DYNC1I1: variants seen among roughly 807,000 people sequenced by gnomAD.
DYNC1I1 encodes the protein cytoplasmic dynein 1 intermediate chain 1.
A neutral mutation model predicts 86.6 loss-of-function variants in DYNC1I1; 43 were observed. The observed-to-expected ratio is 0.50, with a 90% CI of 0.39 to 0.64. The LOEUF (loss-of-function observed/expected upper bound fraction) is 0.64. DYNC1I1 is among the 30% of genes least tolerant of loss of function. The pLI, the probability that DYNC1I1 is intolerant of heterozygous loss-of-function variation, is 0.00. For missense variants in DYNC1I1, 604 were observed against 788.8 expected, an observed-to-expected ratio of 0.77 and a Z score of 2.81; for synonymous variants, 262 against 283.7, an observed-to-expected ratio of 0.92 and a Z score of 0.77.
intron 5 of DYNC1I1, among the ~76,000 whole-genome samples, chr7:95,864,209 T>C (rs1584105847): frequency 6.6e-6 from 1 of 152,154 alleles, no homozygotes; most frequent in Admixed American, 6.5e-5. Flanking sequence ...AAAGTGTCAA[T>C]TGAACCAGAA....
intron 10 of DYNC1I1, among the ~76,000 whole-genome samples, chr7:95,998,565 C>G (rs1199964853): frequency 6.6e-6 from 1 of 152,260 alleles, no homozygotes; most frequent in East Asian, 1.9e-4. Context: ...TTTCTAGACA[C>G]TAACTCAGGG....
rs369706153 is a variant in DYNC1I1 at position 95,930,416 on chromosome 7, G to T, written c.491-47096G>T. On this transcript the variant is annotated intron_variant, in intron 6 of 16. Coordinates refer to ENST00000447467, the MANE Select transcript of DYNC1I1 (RefSeq NM_001135556.2). ...TCATTTGTCAATAAATGATGAAAAGGTTGGGCTATTTATATTTCAATGTTA... is the reference window on the plus strand; with the variant it reads ...TCATTTGTCAATAAATGATGAAAAGTTTGGGCTATTTATATTTCAATGTTA... Among the ~76,000 whole-genome samples the T allele has an allele frequency of 2.0e-4, 31 of 152,156 alleles. 1 individual carries two copies. Among genetic ancestry groups the T allele is most frequent in the Admixed American group, 2.0e-3 (31 of 15,270 alleles).
chr7:95,953,911 A>T (rs370986675), intron 6 of DYNC1I1, among the ~76,000 whole-genome samples: 2 of 152,152 alleles, frequency 1.3e-5, no homozygotes, highest in East Asian at 1.9e-4. Flanking sequence ...GCAGGCACAA[A>T]CACCTTGGTT....
intron 15 of DYNC1I1, among the ~76,000 whole-genome samples, chr7:96,077,139 A>G (rs949196444): frequency 2.6e-5 from 4 of 152,112 alleles, no homozygotes; most frequent in African/African-American, 9.7e-5. Context: ...GAGAACAACA[A>G]AAAGGTCTTT....
chr7:95,923,167 GTCTTTGGGT>G (rs1408182185), intron 6 of DYNC1I1, among the ~76,000 whole-genome samples: 1 of 152,066 alleles, frequency 6.6e-6, no homozygotes, highest in Non-Finnish European at 1.5e-5. Flanking sequence ...TGGTAAATCA[GTCTTTGGGT>G]AAAGACTTCA....
intron 6 of DYNC1I1, among the ~76,000 whole-genome samples, chr7:95,971,096 G>T (rs1045423784): frequency 6.6e-6 from 1 of 152,142 alleles, no homozygotes; most frequent in Non-Finnish European, 1.5e-5. Context: ...CTCTGCTGTG[G>T]ACATGTCAGG....
intron 6 of DYNC1I1, among the ~76,000 whole-genome samples, chr7:95,965,327 G>T (rs1163502613): frequency 1.3e-5 from 2 of 152,174 alleles, no homozygotes; most frequent in African/African-American, 4.8e-5. Context: ...TCACAGCCTA[G>T]TTCAGGCAGT....
chr7:95,783,280 T>G (rs1215340729), intron 1 of DYNC1I1, among the ~76,000 whole-genome samples: 1 of 152,164 alleles, frequency 6.6e-6, no homozygotes, highest in Admixed American at 6.5e-5. Context: ...AAATATAAAT[T>G]TTACTGATAA....
At chr7:95,809,335 A>G (rs912669965) in intron 2 of DYNC1I1, among the ~76,000 whole-genome samples, 3 of 152,182 alleles carry the variant, frequency 2.0e-5, no homozygotes, top group African/African-American at 7.2e-5. Flanking sequence ...GGTATTCTAC[A>G]TGCCCAAAGA....
intron 6 of DYNC1I1, among the ~76,000 whole-genome samples, chr7:95,949,672 T>C (rs1231965014): frequency 6.6e-6 from 1 of 152,234 alleles, no homozygotes; most frequent in African/African-American, 2.4e-5. Context: ...TCATTCAGCA[T>C]GGAGCTCTCA....
rs1790161978 is a variant in DYNC1I1 at position 96,071,600 on chromosome 7, T to C, written c.1510-4457T>C. ...ACCTTCTGACATCATTTTTTTCCAC[T>C]CTCCACTGCGTAGCCTGCTGTTCAT... is the stretch of plus-strand genomic sequence containing the variant. On this transcript the variant is annotated intron_variant, in intron 14 of 16. Transcript: ENST00000447467. 1.3e-5 allele frequency among the ~76,000 whole-genome samples: 2 copies of C among 152,128 alleles called. 1 individual carries two copies. Among genetic ancestry groups the C allele is most frequent in the South Asian group, 4.1e-4 (2 of 4,830 alleles).
intron 14 of DYNC1I1, among the ~76,000 whole-genome samples, chr7:96,060,372 G>C (rs895204244): frequency 6.6e-6 from 1 of 152,118 alleles, no homozygotes; most frequent in African/African-American, 2.4e-5. Flanking sequence ...GTGATCCCTA[G>C]CATGCTTTTT....
At chr7:95,935,843 A>G (rs319297) in intron 6 of DYNC1I1, among the ~76,000 whole-genome samples, 121,660 of 151,958 alleles carry the variant, frequency 0.8, 48,918 homozygotes, top group East Asian at 0.93. Flanking sequence ...TGGCCAACCA[A>G]TACATGCAAA....
At chr7:96,108,976 T>G (rs1464217218) in intron 16 of DYNC1I1, among the ~76,000 whole-genome samples, 2 of 152,150 alleles carry the variant, frequency 1.3e-5, no homozygotes, top group Non-Finnish European at 2.9e-5. Context: ...AAGGAATCTA[T>G]TTCATCCATG....
At chr7:95,872,817 C>G (rs753468060) in intron 6 of DYNC1I1, among the ~76,000 whole-genome samples, 1 of 152,100 alleles carries the variant, frequency 6.6e-6, no homozygotes, top group Admixed American at 6.5e-5. Context: ...GAAAGGAAAA[C>G]GAAATTATGG....
At chr7:95,902,641 G>C (rs531828467) in intron 6 of DYNC1I1, among the ~76,000 whole-genome samples, 35 of 152,252 alleles carry the variant, frequency 2.3e-4, no homozygotes, top group South Asian at 6.2e-4. Context: ...TGCATTTTAA[G>C]AACATGGCAT....
intron 14 of DYNC1I1, among the ~76,000 whole-genome samples, chr7:96,045,016 G>T (rs1235915208): frequency 6.6e-6 from 1 of 152,168 alleles, no homozygotes; most frequent in African/African-American, 2.4e-5. Flanking sequence ...TTACCAGAGT[G>T]TGATGGAGGG....
chr7:95,834,895 T>G (rs1167397657), intron 5 of DYNC1I1, among the ~76,000 whole-genome samples: 1 of 151,950 alleles, frequency 6.6e-6, no homozygotes, highest in Non-Finnish European at 1.5e-5. Flanking sequence ...GCAGTCTATG[T>G]ATTTTGTTGA....
intron 4 of DYNC1I1, among the ~76,000 whole-genome samples, chr7:95,819,871 A>G (rs1190465773): frequency 6.6e-6 from 1 of 152,218 alleles, no homozygotes; most frequent in East Asian, 1.9e-4. Flanking sequence ...AGTGTGCTCT[A>G]TGTACCCATA....
Sources: allele counts gnomAD v4.1 joint callset (sites outside exome capture counted in the v4.1 genomes callset), GRCh38; gene constraint gnomAD v4.1.1; transcripts MANE v1.5; gene names NCBI Gene and HGNC (gene_info 2026-07-23, HGNC 2026-07-21).